Variants in SOX5 observed in about 807,000 individuals in gnomAD.
SOX5 encodes the protein transcription factor SOX-5.
Under a neutral mutation model 92.0 loss-of-function variants are expected in SOX5, and 9 were observed. The ratio of observed to expected loss-of-function variants is 0.10; its 90% CI spans 0.06 to 0.17. The LOEUF is 0.17. SOX5 is among the 10% of genes least tolerant of loss of function. SOX5 has a pLI of 1.00. For missense variants in SOX5, 642 were observed against 944.5 expected, an observed-to-expected ratio of 0.68 and a Z score of 4.20; for synonymous variants, 344 against 336.3, an observed-to-expected ratio of 1.02 and a Z score of -0.25.
At chr12:24,469,132 G>A (rs1388091587) in intron 1 of SOX5, among the ~76,000 whole-genome samples, 1 of 152,154 alleles carries the variant, frequency 6.6e-6, no homozygotes, top group East Asian at 1.9e-4. Flanking sequence ...GGGAGATACT[G>A]ACGGATCATC....
chr12:23,782,797 T>C (rs964127027), intron 3 of SOX5, among the ~76,000 whole-genome samples: 2 of 152,184 alleles, frequency 1.3e-5, no homozygotes, highest in Non-Finnish European at 2.9e-5. Context: ...TTTAAAACTA[T>C]AGTTTTGGAT....
At chr12:23,547,014 TG>T (rs1231926104) in intron 11 of SOX5, among the ~76,000 whole-genome samples, 1 of 152,170 alleles carries the variant, frequency 6.6e-6, no homozygotes, top group East Asian at 1.9e-4. Context: ...TGATTTGGAT[TG>T]CTAAGCCAAA....
At chr12:24,105,560 C>A (rs1268496138) in intron 4 of SOX5, among the ~76,000 whole-genome samples, 1 of 152,050 alleles carries the variant, frequency 6.6e-6, no homozygotes, top group African/African-American at 2.4e-5. Context: ...ATCAATCAAT[C>A]AATAAACAAA....
At chr12:23,818,472 G>C (rs1249472967) in intron 3 of SOX5, among the ~76,000 whole-genome samples, 1 of 152,202 alleles carries the variant, frequency 6.6e-6, no homozygotes, top group Non-Finnish European at 1.5e-5. Flanking sequence ...TGAAGGACTA[G>C]AAGTTGCTCT....
At chr12:24,264,851 C>T (rs1188585030) in intron 3 of SOX5, among the ~76,000 whole-genome samples, 1 of 152,130 alleles carries the variant, frequency 6.6e-6, no homozygotes, top group African/African-American at 2.4e-5. Flanking sequence ...CGGATGATGT[C>T]TATTATAAAG....
chr12:24,374,555 G>A (rs1222009554), intron 1 of SOX5, among the ~76,000 whole-genome samples: 1 of 151,844 alleles, frequency 6.6e-6, no homozygotes, highest in African/African-American at 2.4e-5. Context: ...ACAAAACAGA[G>A]GAAGACTGAG....
intron 3 of SOX5, among the ~76,000 whole-genome samples, chr12:23,838,847 G>GT (rs1049499453): frequency 1.7e-5 from 1 of 58,678 alleles, no homozygotes; most frequent in Non-Finnish European, 4.4e-5. Context: ...TTTTTTTGGG[G>GT]GGGGGGGGCG....
chr12:23,847,440 A>T (rs902211100), intron 2 of SOX5, among the ~76,000 whole-genome samples: 1 of 152,204 alleles, frequency 6.6e-6, no homozygotes, highest in African/African-American at 2.4e-5. Flanking sequence ...ATTGATACTC[A>T]ATATTTTTAA....
At chr12:24,438,440 T>A (rs1200812941) in intron 1 of SOX5, among the ~76,000 whole-genome samples, 1 of 151,962 alleles carries the variant, frequency 6.6e-6, no homozygotes, top group Admixed American at 6.6e-5. Context: ...TTAAAAAAAA[T>A]ATACATATAT....
At chr12:23,982,940 G>A (rs906167058) in intron 4 of SOX5, among the ~76,000 whole-genome samples, 1 of 151,994 alleles carries the variant, frequency 6.6e-6, no homozygotes, top group Non-Finnish European at 1.5e-5. Flanking sequence ...AGCAGCCACT[G>A]GCTACTCTAT....
intron 4 of SOX5, among the ~76,000 whole-genome samples, chr12:23,746,410 C>A (rs571566063): frequency 1.3e-5 from 2 of 152,212 alleles, no homozygotes; most frequent in East Asian, 1.9e-4. Flanking sequence ...GAGACACAGT[C>A]ATGTATATAT....
chr12:24,381,620 T>C (rs760929779), intron 1 of SOX5, among the ~76,000 whole-genome samples: 12 of 152,236 alleles, frequency 7.9e-5, no homozygotes, highest in Non-Finnish European at 1.2e-4. Flanking sequence ...CTCTCTTATA[T>C]TTAGAAATTG....
intron 4 of SOX5, among the ~76,000 whole-genome samples, chr12:24,068,085 C>T (rs1055733301): frequency 9.8e-5 from 15 of 152,292 alleles, no homozygotes; most frequent in Middle Eastern, 3.4e-3. Flanking sequence ...GTGGAGGTTG[C>T]AGTGAGCCAA....
At chr12:23,934,678 G>A (rs1942170870) in intron 1 of SOX5, among the ~76,000 whole-genome samples, 1 of 150,882 alleles carries the variant, frequency 6.6e-6, no homozygotes, top group African/African-American at 2.4e-5. Context: ...ATATTATATG[G>A]AGTATTCTTA....
chr12:24,244,475 A>G (rs1292283787), intron 3 of SOX5, among the ~76,000 whole-genome samples: 1 of 151,942 alleles, frequency 6.6e-6, no homozygotes, highest in Non-Finnish European at 1.5e-5. Context: ...TTCTTTCCCC[A>G]CTCCTCACAT....
chr12:24,111,313 C>T (rs1593257883), intron 4 of SOX5, among the ~76,000 whole-genome samples: 1 of 152,174 alleles, frequency 6.6e-6, no homozygotes, highest in South Asian at 2.1e-4. Context: ...CAGTCATCAT[C>T]TGTACTCATG....
chr12:24,079,103 C>G (rs755209586), intron 4 of SOX5, among the ~76,000 whole-genome samples: 7 of 150,858 alleles, frequency 4.6e-5, no homozygotes, highest in South Asian at 2.1e-4. Flanking sequence ...CATCACCTCA[C>G]GTAGCAGCCA....
chr12:24,005,864 T>A (rs530790418), intron 4 of SOX5, among the ~76,000 whole-genome samples: 1 of 152,324 alleles, frequency 6.6e-6, no homozygotes, highest in South Asian at 2.1e-4. Context: ...TTCCACTAGC[T>A]ATACCATATA....
At chr12:24,088,234 CAT>C (rs1164922387) in intron 4 of SOX5, among the ~76,000 whole-genome samples, 3 of 151,960 alleles carry the variant, frequency 2.0e-5, no homozygotes, top group East Asian at 1.9e-4. Flanking sequence ...TAAGAGTAAA[CAT>C]AGATTTTAGG....
Sources: gnomAD v4.1 joint callset for allele counts (sites outside exome capture counted in the v4.1 genomes callset) on GRCh38, gnomAD v4.1.1 for gene constraint, MANE v1.5 for transcripts, NCBI Gene and HGNC (gene_info 2026-07-23, HGNC 2026-07-21) for gene names.